Variants in ITGA9 observed in about 807,000 individuals in gnomAD.
ITGA9 encodes the protein integrin subunit alpha 9.
A neutral mutation model predicts 127.8 loss-of-function variants in ITGA9; 56 were observed. The observed-to-expected ratio is 0.44, with a 90% confidence interval of 0.35 to 0.55. The LOEUF (loss-of-function observed/expected upper bound fraction) is 0.55. Ranked by LOEUF, ITGA9 falls within the 20% of genes least tolerant of loss-of-function variation. ITGA9 has a pLI of 0.00. For missense variants in ITGA9, 1,196 were observed against 1,347.1 expected (o/e 0.89, Z 1.76); for synonymous variants, 508 against 514.5 (o/e 0.99, Z 0.17).
intron 1 of ITGA9, among the ~76,000 whole-genome samples, chr3:37,462,514 T>C (rs1362038203): frequency 6.6e-6 from 1 of 152,204 alleles, no homozygotes; most frequent in Non-Finnish European, 1.5e-5. Context: ...AGAAGCCAAG[T>C]CACTTGTCCA....
At chr3:37,728,162 G>A (rs917805032) in intron 18 of ITGA9, among the ~76,000 whole-genome samples, 1 of 152,162 alleles carries the variant, frequency 6.6e-6, no homozygotes, top group African/African-American at 2.4e-5. Flanking sequence ...TAAAGCCAGT[G>A]TAGGCAATGA....
chr3:37,673,398 C>G (rs182276658), intron 17 of ITGA9, among the ~76,000 whole-genome samples: 73 of 152,280 alleles, frequency 4.8e-4, no homozygotes, highest in African/African-American at 1.6e-3. Flanking sequence ...TTGGGAAGTT[C>G]AGCCAGTGGC....
At chr3:37,751,980 C>T (rs1696591482) in intron 23 of ITGA9, among the ~76,000 whole-genome samples, 1 of 152,172 alleles carries the variant, frequency 6.6e-6, no homozygotes, top group Admixed American at 6.5e-5. Context: ...AGTAGGAAAG[C>T]TCTCTGTGTT....
chr3:37,734,514 G>T (rs1448733484), intron 19 of ITGA9, among the ~76,000 whole-genome samples: 1 of 152,168 alleles, frequency 6.6e-6, no homozygotes, highest in Non-Finnish European at 1.5e-5. Context: ...GTTTGAGAGG[G>T]AGTCTCTCTC....
intron 16 of ITGA9, among the ~76,000 whole-genome samples, chr3:37,647,416 A>G (rs367682627): frequency 2.7e-5 from 4 of 150,200 alleles, no homozygotes; most frequent in South Asian, 4.2e-4. Flanking sequence ...AATGGCTACT[A>G]TGGTCAAGCA....
At chr3:37,587,472 A>T (rs2125613187) in intron 15 of ITGA9, among the ~76,000 whole-genome samples, 1 of 152,286 alleles carries the variant, frequency 6.6e-6, no homozygotes. Context: ...AGATGGGAAG[A>T]TTTCTGAATG....
At chr3:37,816,635 G>T (rs1017579352) in intron 27 of ITGA9, among the ~76,000 whole-genome samples, 2 of 152,194 alleles carry the variant, frequency 1.3e-5, no homozygotes, top group Non-Finnish European at 2.9e-5. Flanking sequence ...TAATTATCCA[G>T]AAAATTCTGG....
chr3:37,558,257 C>A (rs1359557522), intron 15 of ITGA9, among the ~76,000 whole-genome samples: 1 of 152,204 alleles, frequency 6.6e-6, no homozygotes, highest in East Asian at 1.9e-4. Context: ...ACTTAAACCT[C>A]TTCTGAAGAG....
chr3:37,672,903 A>AT (rs11380867), intron 17 of ITGA9, among the ~76,000 whole-genome samples: 13,140 of 147,718 alleles, frequency 0.089, 706 homozygotes, highest in East Asian at 0.15. Flanking sequence ...TTTCTTGGTG[A>AT]TTTTTTTTTT....
intron 22 of ITGA9, chr3:37,749,258 A>G (rs766410496): frequency 1.8e-5 from 3 of 167,576 alleles, no homozygotes; most frequent in Admixed American, 1.2e-4. Context: ...AAGTCTTAGG[A>G]TGTTCTCTTT....
At chr3:37,484,465 A>G (rs998084433) in intron 4 of ITGA9, among the ~76,000 whole-genome samples, 1 of 152,158 alleles carries the variant, frequency 6.6e-6, no homozygotes, top group African/African-American at 2.4e-5. Context: ...TAAGGCCACC[A>G]TTATTTCCTC....
intron 19 of ITGA9, among the ~76,000 whole-genome samples, chr3:37,734,161 A>G (rs1696330632): frequency 6.6e-6 from 1 of 152,154 alleles, no homozygotes; most frequent in Non-Finnish European, 1.5e-5. Flanking sequence ...TTCTGTCCAC[A>G]TTCACCCCAG....
chr3:37,632,977 T>G (rs1320085612), intron 16 of ITGA9, among the ~76,000 whole-genome samples: 2 of 152,184 alleles, frequency 1.3e-5, no homozygotes, highest in Admixed American at 6.5e-5. Context: ...GAAATTATCT[T>G]GTACTTCAAC....
Position 37,513,801 on chromosome 3 carries a change from C to T in ITGA9, c.936C>T (p.Asp312=), listed in dbSNP as rs1205595026. 1 of 1,614,034 alleles carries T rather than the reference C, an allele frequency of 6.2e-7. No homozygotes were observed. The highest frequency in any genetic ancestry group is 1.7e-5 in the Admixed American group (1 of 60,018). ...SYFGSSLCAV[D]LNGDGLSDLL... ...TCGGCTCCTCCTTGTGCGCAGTTGA[C>T]CTGAATGGGGACGGCCTCTCTGACC... Residue 312 remains aspartate (D), a synonymous_variant, in exon 9 of 28, where the codon GAC becomes GAT. Coordinates refer to ENST00000264741, the MANE Select transcript of ITGA9 (RefSeq NM_002207.3).
intron 1 of ITGA9, among the ~76,000 whole-genome samples, chr3:37,459,122 T>G (rs907508058): frequency 7.9e-5 from 12 of 152,164 alleles, no homozygotes; most frequent in Non-Finnish European, 1.6e-4. Context: ...CTGTGTTGAG[T>G]TTAAATTAGC....
At chr3:37,743,814 G>A (rs1696466685) in intron 21 of ITGA9, 112 bp from the exon 22 acceptor site, 3 of 793,930 alleles carry the variant, frequency 3.8e-6, no homozygotes, top group Admixed American at 1.9e-5. Context: ...GGGAAGCACT[G>A]GGTGCAAGAC....
At chr3:37,685,274 CAGAGCCACCAACAGT>C (rs1193730443) in intron 18 of ITGA9, among the ~76,000 whole-genome samples, 1 of 152,162 alleles carries the variant, frequency 6.6e-6, no homozygotes. Flanking sequence ...CTGAAATGCT[CAGAGCCACCAACAGT>C]AGAGGCACTC....
At chr3:37,649,525 TAAC>T (rs142286783) in intron 16 of ITGA9, among the ~76,000 whole-genome samples, 12,978 of 152,178 alleles carry the variant, frequency 0.085, 697 homozygotes, top group East Asian at 0.15. Context: ...CAGGAAGACA[TAAC>T]AATTATAAAT....
At position 37,788,892 on chromosome 3, in the gene ITGA9, C is replaced by T. The variant is rs557377555; in HGVS notation, c.2889+3814C>T. 2.4e-3 allele frequency among the ~76,000 whole-genome samples: 365 copies of T among 152,204 alleles called. 1 individual carries two copies. The highest frequency in any genetic ancestry group is 4.0e-3 in the Non-Finnish European group (270 of 68,016). ...TTGGAAAGTTTCTACTGCTGCCTGC[C>T]TCTGAAGGCCACGGGACTTACCTGT... On this transcript the variant is annotated intron_variant, in intron 26 of 27. Transcript: ENST00000264741.
Sources: gnomAD v4.1 joint callset for allele counts (sites outside exome capture counted in the v4.1 genomes callset) on GRCh38, gnomAD v4.1.1 for gene constraint, MANE v1.5 for transcripts, NCBI Gene and HGNC (gene_info 2026-07-23, HGNC 2026-07-21) for gene names.